AGBL4: variants seen among roughly 807,000 people sequenced by gnomAD.
The protein encoded by AGBL4 is cytosolic carboxypeptidase 6.
In AGBL4, 58 loss-of-function variants were observed where a neutral mutation model predicts 66.4. The observed-to-expected ratio is 0.87, with a 90% CI of 0.71 to 1.09. The LOEUF (loss-of-function observed/expected upper bound fraction) is 1.09, where lower values mean the gene tolerates loss of function less well. AGBL4 is among the 50% of genes least tolerant of loss of function. AGBL4 has a pLI of 0.00. For synonymous variants in AGBL4, 234 were observed against 222.9 expected (o/e 1.05, Z -0.44); for missense variants, 579 against 631.0 (o/e 0.92, Z 0.88).
chr1:49,805,205 CAAA>C (rs893490856), intron 2 of AGBL4, among the ~76,000 whole-genome samples: 6 of 152,100 alleles, frequency 3.9e-5, no homozygotes, highest in African/African-American at 7.2e-5. Flanking sequence ...AGAAGTATAT[CAAA>C]GAAGAGGGAA....
At chr1:49,098,288 G>A (rs1014495700) in intron 4 of AGBL4, among the ~76,000 whole-genome samples, 5 of 152,228 alleles carry the variant, frequency 3.3e-5, no homozygotes, top group African/African-American at 1.2e-4. Context: ...CTGAAAAAGG[G>A]AGGACGATTT....
chr1:48,743,892 C>G (rs1030823959), intron 6 of AGBL4, among the ~76,000 whole-genome samples: 2 of 152,188 alleles, frequency 1.3e-5, no homozygotes, highest in African/African-American at 4.8e-5. Context: ...AGGAGAGAAT[C>G]TCAATCCTGA....
At chr1:48,867,052 A>C (rs6703833) in intron 6 of AGBL4, 139 bp downstream of exon 6, 560,245 of 965,866 alleles carry the variant, frequency 0.58, 173,908 homozygotes, top group Non-Finnish European at 0.66. Context: ...GGGGAGGAGA[A>C]GAATCATTCA....
In AGBL4 at chr1:49,531,961, AT is replaced by A. The variant is rs1651174436; in HGVS notation, c.282+165351del. Among the ~76,000 whole-genome samples the A allele has an allele frequency of 5.3e-5, 8 of 152,256 alleles. No homozygotes were observed. The South Asian group carries it at 1.7e-3, about 31-fold the overall frequency. ...AACATTACAATTTATGGGAAAAGGT[AT>A]ATACAATACACTCTATTTTGACTTT... On this transcript the variant is annotated intron_variant, in intron 3 of 13. Transcript: ENST00000371839.
chr1:48,789,958 T>C, intron 6 of AGBL4, among the ~76,000 whole-genome samples: 1 of 152,236 alleles, frequency 6.6e-6, no homozygotes, highest in East Asian at 1.9e-4. Context: ...ACGAGGTATA[T>C]TTTTCCACTT....
intron 1 of AGBL4, among the ~76,000 whole-genome samples, chr1:49,937,618 A>T (rs1048605557): frequency 1.8e-4 from 28 of 152,246 alleles, no homozygotes; most frequent in African/African-American, 6.8e-4. Flanking sequence ...AATGTAAAAG[A>T]ACAGAAATTA....
At chr1:48,569,740 A>C (rs1198018020) in intron 11 of AGBL4, among the ~76,000 whole-genome samples, 4 of 152,202 alleles carry the variant, frequency 2.6e-5, no homozygotes, top group African/African-American at 9.7e-5. Context: ...ATCAGGAGAA[A>C]TACTTGCTAT....
intron 4 of AGBL4, among the ~76,000 whole-genome samples, chr1:49,188,537 T>C (rs1385087255): frequency 1.3e-5 from 2 of 152,302 alleles, no homozygotes; most frequent in African/African-American, 2.4e-5. Context: ...CAGACAATTA[T>C]TACATGTCCT....
chr1:49,336,767 C>T (rs1379023292), intron 3 of AGBL4, among the ~76,000 whole-genome samples: 2 of 152,088 alleles, frequency 1.3e-5, no homozygotes, highest in Non-Finnish European at 2.9e-5. Flanking sequence ...AAGTAAGATT[C>T]ATAAGAGAAG....
chr1:49,910,940 C>T lies in AGBL4; in HGVS notation c.35-59422G>A, dbSNP rs554109707. ...GCAGTGAGCTGCGATCATGCCACTT[C>T]CCTCCAGGCTGGGCAACAGAGCGAG... On this transcript the variant is annotated intron_variant, in intron 1 of 13. Transcript: ENST00000371839. Among the ~76,000 whole-genome samples, 3 of 152,324 alleles carry T rather than the reference C, an allele frequency of 2.0e-5. No individual in the cohort carries two copies. The East Asian group carries it at 5.8e-4, about 29-fold the overall frequency.
At chr1:49,141,734 G>T (rs933052800) in intron 4 of AGBL4, among the ~76,000 whole-genome samples, 3 of 152,096 alleles carry the variant, frequency 2.0e-5, no homozygotes, top group African/African-American at 7.2e-5. Flanking sequence ...AAGTTTGAAT[G>T]TTACTTTAAG....
intron 2 of AGBL4, among the ~76,000 whole-genome samples, chr1:49,803,336 C>T (rs1191006395): frequency 1.3e-5 from 2 of 152,054 alleles, no homozygotes; most frequent in African/African-American, 4.8e-5. Context: ...GAGACTTTAA[C>T]CCAAATCCTC....
Position 49,845,746 on chromosome 1 carries a change from T to G in AGBL4, c.157+5650A>C, listed in dbSNP as rs1342248585. On this transcript the variant is annotated intron_variant, in intron 2 of 13. Transcript: ENST00000371839. ...GAGGATTTACACGGGAGAGAAGCCC[T>G]ATGGATGCAACGAGTGTGGGAAAAC... 10 of 1,587,802 alleles carry G rather than the reference T, an allele frequency of 6.3e-6. No homozygotes were observed. The East Asian group carries it at 2.3e-4, about 36-fold the overall frequency.
chr1:49,880,632 C>G (rs912483309), intron 1 of AGBL4, among the ~76,000 whole-genome samples: 2 of 152,106 alleles, frequency 1.3e-5, no homozygotes, highest in Admixed American at 1.3e-4. Context: ...TGCCCTGCCC[C>G]CAGAGGTGGA....
intron 3 of AGBL4, among the ~76,000 whole-genome samples, chr1:49,289,446 G>A (rs1257262273): frequency 6.6e-6 from 1 of 152,138 alleles, no homozygotes; most frequent in Non-Finnish European, 1.5e-5. Flanking sequence ...AAAAGCGATA[G>A]TGCTATCAAG....
chr1:49,578,412 A>G (rs1644477593), intron 3 of AGBL4, among the ~76,000 whole-genome samples: 1 of 152,224 alleles, frequency 6.6e-6, no homozygotes, highest in South Asian at 2.1e-4. Flanking sequence ...ACCAGGAAAA[A>G]AAACCATGAC....
chr1:49,507,118 C>T (rs1271755141), intron 3 of AGBL4, among the ~76,000 whole-genome samples: 3 of 152,018 alleles, frequency 2.0e-5, no homozygotes, highest in African/African-American at 7.2e-5. Flanking sequence ...AAAAGTCCAG[C>T]TATCCTGCTA....
rs574794062 is a variant in AGBL4 at position 48,592,409 on chromosome 1, T to C, written c.952-1424A>G. On this transcript the variant is annotated intron_variant, in intron 9 of 13. Transcript: ENST00000371839. ...TGTGGGCTCAATGACTGTCATTTCA[T>C]TTACCTCAGAGTTGGAGTGAAAAAT... Among the ~76,000 whole-genome samples the C allele has an allele frequency of 3.4e-4, 52 of 152,338 alleles. No individual in the cohort carries two copies. The South Asian group carries it at 9.8e-3, about 29-fold the overall frequency.
intron 5 of AGBL4, among the ~76,000 whole-genome samples, chr1:48,989,710 T>C (rs1189355323): frequency 6.6e-6 from 1 of 152,232 alleles, no homozygotes; most frequent in East Asian, 1.9e-4. Flanking sequence ...CAGAATCTCA[T>C]TCTTTTTATG....
Sources: gnomAD v4.1 joint callset for allele counts (sites outside exome capture counted in the v4.1 genomes callset) on GRCh38, gnomAD v4.1.1 for gene constraint, MANE v1.5 for transcripts, NCBI Gene and HGNC (gene_info 2026-07-23, HGNC 2026-07-21) for gene names.